CCDC90B: variants seen among roughly 807,000 people sequenced by gnomAD.
CCDC90B encodes the protein coiled-coil domain-containing protein 90B, mitochondrial.
Under a neutral mutation model 37.0 loss-of-function variants are expected in CCDC90B, and 24 were observed. The ratio of observed to expected loss-of-function variants is 0.65; its 90% confidence interval spans 0.47 to 0.91. The LOEUF (loss-of-function observed/expected upper bound fraction) is 0.91, where lower values mean the gene tolerates loss of function less well. Among genes scored for constraint, CCDC90B ranks in the 40% least tolerant of loss-of-function variants. The pLI, the probability that CCDC90B is intolerant of heterozygous loss-of-function variation, is 0.00. For missense variants in CCDC90B, 319 were observed against 299.0 expected (o/e 1.07, Z -0.49); for synonymous variants, 113 against 101.1 (o/e 1.12, Z -0.71).
chr11:83,284,391 T>C (rs1209339179), intron 1 of CCDC90B, among the ~76,000 whole-genome samples: 1 of 152,254 alleles, frequency 6.6e-6, no homozygotes, highest in African/African-American at 2.4e-5. Context: ...ATTAATTTAC[T>C]GCTAATTTTA....
intron 1 of CCDC90B, among the ~76,000 whole-genome samples, chr11:83,283,439 T>G (rs1450376080): frequency 1.3e-5 from 2 of 152,236 alleles, no homozygotes; most frequent in South Asian, 2.1e-4. Context: ...TACAGAAGGA[T>G]ATGTAAAACA....
intron 1 of CCDC90B, chr11:83,285,113 A>C: frequency 1.6e-6 from 2 of 1,230,162 alleles, no homozygotes; most frequent in Middle Eastern, 4.5e-4. Flanking sequence ...TGGGTACCGA[A>C]TGGCTCAGCG....
rs1474101974 is a variant in CCDC90B at position 83,285,937 on chromosome 11, G to T, written c.36C>A (p.Ser12=). The change falls in exon 1 of 9, where the codon TCC becomes TCA. Residue 12 remains serine (S), a synonymous_variant. Transcript: ENST00000529689. ...AAACCCAACGATCTCCTCTGCCTTGGGAGAGAAAGAGCCGCCAAGCCTGGC... is the reference window on the plus strand; with the variant it reads ...AAACCCAACGATCTCCTCTGCCTTGTGAGAGAAAGAGCCGCCAAGCCTGGC... ...NSRQAWRLFL[S]QGRGDRWVSR... 6.2e-7 allele frequency: 1 copy of T among 1,613,180 alleles called. No homozygotes were observed. Among genetic ancestry groups the T allele is most frequent in the African/African-American group, 1.3e-5 (1 of 74,908 alleles).
At chr11:83,275,703 A>C (rs866970582) in intron 3 of CCDC90B, among the ~76,000 whole-genome samples, 1 of 152,174 alleles carries the variant, frequency 6.6e-6, no homozygotes. Context: ...ACAGTTTAGA[A>C]ATAAAACAAG....
chr11:83,268,121 GAACAACCAGT>G (rs1864406877), intron 7 of CCDC90B, among the ~76,000 whole-genome samples: 1 of 152,102 alleles, frequency 6.6e-6, no homozygotes. Context: ...ACATGGAAAG[GAACAACCAGT>G]ACCAACCACT....
At chr11:83,262,098 A>C (rs1232249485) in intron 8 of CCDC90B, 132 bp from the exon 9 acceptor site, 1 of 591,910 alleles carries the variant, frequency 1.7e-6, no homozygotes, top group Non-Finnish European at 2.9e-6. Flanking sequence ...TATGTTTTTT[A>C]TTCCCTAGAC....
rs1323447850 is a variant in CCDC90B at position 83,260,799 on chromosome 11, T to C, written c.*1112A>G. 2 of 152,222 alleles carry C rather than the reference T, an allele frequency of 1.3e-5. No individual in the cohort carries two copies. Among genetic ancestry groups the C allele is most frequent in the Admixed American group, 6.5e-5 (1 of 15,278 alleles). The allele number at this position is 152,222 out of a possible 1,614,324, so 9.4% of individuals were successfully genotyped here. ...ATTACATATGATTTACTAATAGATA[T>C]TACTTTGTAAGAAAAAATATATCTA... On this transcript the variant is annotated 3_prime_UTR_variant, in exon 9 of 9. Coordinates refer to ENST00000529689, the MANE Select transcript of CCDC90B (RefSeq NM_021825.5).
intron 3 of CCDC90B, among the ~76,000 whole-genome samples, chr11:83,276,344 G>C (rs1198748116): frequency 6.6e-6 from 1 of 152,108 alleles, no homozygotes; most frequent in Non-Finnish European, 1.5e-5. Context: ...CTGAAAATAA[G>C]GGATTGTACT....
chr11:83,286,215 T>C lies in CCDC90B; in HGVS notation c.-243A>G. The C allele has an allele frequency of 6.6e-7, 1 of 1,525,084 alleles. No individual in the cohort carries two copies. The highest frequency in any genetic ancestry group is 8.8e-7 in the Non-Finnish European group (1 of 1,138,432). 94.5% of individuals were successfully genotyped at this position (1,525,084 alleles called of 1,614,324 possible). A position where few individuals can be genotyped will look rare whatever the true frequency, so the allele number is the denominator to read the frequency against. On this transcript the variant is annotated 5_prime_UTR_variant, in exon 1 of 9. Transcript: ENST00000529689. ...CTTCTCCCAGCGCCCCTTCCCGACC[T>C]TTGAACGCCTTCACCGCCCTAGGAA... is the stretch of plus-strand genomic sequence containing the variant.
chr11:83,267,793 A>AAAC (rs1195108696), intron 7 of CCDC90B, among the ~76,000 whole-genome samples: 1 of 152,234 alleles, frequency 6.6e-6, no homozygotes, highest in Non-Finnish European at 1.5e-5. Context: ...GAGCAACCCC[A>AAAC]AGACACATAA....
At chr11:83,275,110 C>T (rs533690420) in intron 3 of CCDC90B, among the ~76,000 whole-genome samples, 41 of 152,234 alleles carry the variant, frequency 2.7e-4, no homozygotes, top group Admixed American at 1.1e-3. Flanking sequence ...TTTTCTACCA[C>T]TGGAAAATTC....
Position 83,275,336 on chromosome 11 carries a change from G to C in CCDC90B, c.325-596C>G, listed in dbSNP as rs149267413. Among the ~76,000 whole-genome samples, 132 of 152,182 alleles carry C rather than the reference G, an allele frequency of 8.7e-4. 1 individual carries two copies. The highest frequency in any genetic ancestry group is 3.1e-3 in the African/African-American group (130 of 41,512). ...TAGGGAGGGACAATTTTGTAGAAAT[G>C]ATTTAAGACAGCCTTACAAAGAAAA... is the stretch of plus-strand genomic sequence containing the variant. On this transcript the variant is annotated intron_variant, in intron 3 of 8. Coordinates refer to ENST00000529689, the MANE Select transcript of CCDC90B (RefSeq NM_021825.5).
intron 8 of CCDC90B, 25 bp from the exon 9 acceptor site, chr11:83,261,991 T>C (rs1863954076): frequency 4.0e-6 from 6 of 1,508,322 alleles, no homozygotes; most frequent in Middle Eastern, 1.7e-4. Flanking sequence ...AACTGTGTTA[T>C]AGGTCTTGTA....
At position 83,286,134 on chromosome 11, in the gene CCDC90B, C is replaced by G. The variant is rs1865679579; in HGVS notation, c.-162G>C. On this transcript the variant is annotated 5_prime_UTR_variant, in exon 1 of 9. Transcript: ENST00000529689. ...CAGGCGCCACCGTGGTCCCACGAAA[C>G]TGGGTCTCTTCACAGACAGACCCAC... is the stretch of plus-strand genomic sequence containing the variant. The G allele has an allele frequency of 1.3e-6, 2 of 1,536,302 alleles. No homozygotes were observed. Among genetic ancestry groups the G allele is most frequent in the Non-Finnish European group, 8.7e-7 (1 of 1,146,920 alleles).
intron 7 of CCDC90B, among the ~76,000 whole-genome samples, chr11:83,269,433 G>C (rs1037099094): frequency 6.6e-6 from 1 of 151,972 alleles, no homozygotes; most frequent in Non-Finnish European, 1.5e-5. Context: ...AAGAAGAAAA[G>C]AGAGAAGAAT....
intron 7 of CCDC90B, among the ~76,000 whole-genome samples, chr11:83,268,646 CATA>C (rs1351339667): frequency 2.0e-5 from 3 of 152,118 alleles, no homozygotes; most frequent in African/African-American, 4.8e-5. Flanking sequence ...TAGACTCCCA[CATA>C]ATAATAATGG....
chr11:83,278,698 T>G (rs1337735926), intron 3 of CCDC90B, 28 bp downstream of exon 3: 1 of 1,370,808 alleles, frequency 7.3e-7, no homozygotes, highest in Admixed American at 1.7e-5. Context: ...AATGAAAGTA[T>G]CAGAAGTGAT....
chr11:83,273,438 ATTCTTAC>A, intron 7 of CCDC90B: 1 of 373,826 alleles, frequency 2.7e-6, no homozygotes, highest in Non-Finnish European at 4.8e-6. Context: ...GGAAATCTTG[ATTCTTAC>A]TTCAAGGTCA....
chr11:83,279,542 T>C (rs1865262067), intron 2 of CCDC90B, among the ~76,000 whole-genome samples: 1 of 152,188 alleles, frequency 6.6e-6, no homozygotes, highest in Admixed American at 6.5e-5. Context: ...TTTGCCCACC[T>C]TTTTCTGTAA....
Sources: gnomAD v4.1 joint callset for allele counts (sites outside exome capture counted in the v4.1 genomes callset) on GRCh38, gnomAD v4.1.1 for gene constraint, MANE v1.5 for transcripts, NCBI Gene and HGNC (gene_info 2026-07-23, HGNC 2026-07-21) for gene names.